Variants in LRFN5 observed in about 807,000 individuals in gnomAD.
The protein encoded by LRFN5 is leucine rich repeat and fibronectin type III domain containing 5, also known as leucine-rich repeat and fibronectin type-III domain-containing protein 5.
A neutral mutation model predicts 45.6 loss-of-function variants in LRFN5; 24 were observed. The ratio of observed to expected loss-of-function variants is 0.53; its 90% CI spans 0.38 to 0.74. The LOEUF is 0.74. Ranked by LOEUF, LRFN5 falls within the 30% of genes least tolerant of loss-of-function variation. LRFN5 has a pLI of 0.00. For synonymous variants in LRFN5, 340 were observed against 313.8 expected (o/e 1.08, Z -0.88); for missense variants, 776 against 861.5 (o/e 0.90, Z 1.24).
intron 1 of LRFN5, among the ~76,000 whole-genome samples, chr14:41,723,254 A>G (rs991467483): frequency 2.0e-5 from 3 of 152,106 alleles, no homozygotes; most frequent in African/African-American, 7.2e-5. Context: ...CTGCACAGAA[A>G]GGGTGGTGTG....
At position 41,731,086 on chromosome 14, in the gene LRFN5, T is replaced by C. The variant is rs188257980; in HGVS notation, c.-196-35768T>C. Among the ~76,000 whole-genome samples, 3 of 152,178 alleles carry C rather than the reference T, an allele frequency of 2.0e-5. No individual in the cohort carries two copies. The East Asian group carries it at 5.8e-4, about 29-fold the overall frequency. ...TTTAATGATGCAATGATAATAAATTTTTCTTATGGACAATGACAACAACAA... is the reference window on the plus strand; with the variant it reads ...TTTAATGATGCAATGATAATAAATTCTTCTTATGGACAATGACAACAACAA... On this transcript the variant is annotated intron_variant, in intron 1 of 5. Coordinates refer to ENST00000298119, the MANE Select transcript of LRFN5 (RefSeq NM_152447.5).
chr14:41,859,295 C>G (rs1237906526), intron 2 of LRFN5, among the ~76,000 whole-genome samples: 1 of 152,186 alleles, frequency 6.6e-6, no homozygotes, highest in Non-Finnish European at 1.5e-5. Context: ...GAGAGCAATT[C>G]TAAATGATTT....
At chr14:41,843,108 C>G (rs891638687) in intron 2 of LRFN5, among the ~76,000 whole-genome samples, 1 of 126,684 alleles carries the variant, frequency 7.9e-6, no homozygotes, top group Non-Finnish European at 1.6e-5. Flanking sequence ...TTTTTTAATA[C>G]TGAGTCTCAC....
intron 2 of LRFN5, among the ~76,000 whole-genome samples, chr14:41,831,226 AT>A (rs1888467642): frequency 1.3e-5 from 2 of 152,198 alleles, no homozygotes; most frequent in African/African-American, 4.8e-5. Flanking sequence ...AATAATGTTT[AT>A]TTTTTTACTA....
At chr14:41,761,641 C>G (rs975836590) in intron 1 of LRFN5, among the ~76,000 whole-genome samples, 1 of 152,060 alleles carries the variant, frequency 6.6e-6, no homozygotes, top group Non-Finnish European at 1.5e-5. Flanking sequence ...ACCACTCTCT[C>G]ATTTCACCAA....
intron 1 of LRFN5, among the ~76,000 whole-genome samples, chr14:41,689,717 A>AC (rs1277524893): frequency 2.6e-5 from 4 of 150,964 alleles, no homozygotes; most frequent in Non-Finnish European, 5.9e-5. Flanking sequence ...ACACGGTGAA[A>AC]CCCCGTCTCT....
intron 2 of LRFN5, among the ~76,000 whole-genome samples, chr14:41,807,234 A>G (rs1294085921): frequency 6.6e-6 from 1 of 152,178 alleles, no homozygotes; most frequent in Admixed American, 6.6e-5. Context: ...TTGAAGAAAT[A>G]TGAACTGGTT....
chr14:41,838,536 A>G (rs1245171646), intron 2 of LRFN5, among the ~76,000 whole-genome samples: 1 of 152,206 alleles, frequency 6.6e-6, no homozygotes, highest in Admixed American at 6.5e-5. Context: ...AAGAGTAGGA[A>G]CAATATGTTT....
intron 2 of LRFN5, among the ~76,000 whole-genome samples, chr14:41,803,518 GT>G (rs35935187): frequency 1.6e-4 from 23 of 147,534 alleles, no homozygotes; most frequent in African/African-American, 2.7e-4. Context: ...TGCCAGGATA[GT>G]TTTTTTTTTT....
intron 1 of LRFN5, among the ~76,000 whole-genome samples, chr14:41,623,851 C>T (rs1888226972): frequency 6.6e-6 from 1 of 152,026 alleles, no homozygotes; most frequent in South Asian, 2.1e-4. Context: ...TTTTCATAGT[C>T]ATTTTTTGGT....
chr14:41,697,488 A>G (rs1882662534), intron 1 of LRFN5, among the ~76,000 whole-genome samples: 1 of 151,682 alleles, frequency 6.6e-6, no homozygotes, highest in Non-Finnish European at 1.5e-5. Context: ...TATTTCTTCG[A>G]GTTTGGTCAA....
At chr14:41,653,951 T>C (rs1880251713) in intron 1 of LRFN5, among the ~76,000 whole-genome samples, 1 of 151,774 alleles carries the variant, frequency 6.6e-6, no homozygotes, top group African/African-American at 2.4e-5. Flanking sequence ...AATAACTGTA[T>C]GAAAAGTAGC....
intron 2 of LRFN5, among the ~76,000 whole-genome samples, chr14:41,799,157 G>A (rs1887237104): frequency 1.3e-5 from 2 of 152,052 alleles, no homozygotes; most frequent in Admixed American, 1.3e-4. Context: ...TTAGCTCACG[G>A]GTAAGTGCAT....
chr14:41,650,896 A>AGAGAGGGAGG (rs750337266), intron 1 of LRFN5, among the ~76,000 whole-genome samples: 101 of 80,894 alleles, frequency 1.2e-3, no homozygotes, highest in African/African-American at 4.2e-3. Flanking sequence ...AGAGAGAGAG[A>AGAGAGGGAGG]GAGGGAGGGA....
At chr14:41,796,321 A>T (rs1295061300) in intron 2 of LRFN5, among the ~76,000 whole-genome samples, 1 of 151,978 alleles carries the variant, frequency 6.6e-6, no homozygotes, top group Non-Finnish European at 1.5e-5. Flanking sequence ...TTATTCAGAT[A>T]TTACCAGCAT....
At chr14:41,690,004 A>G (rs370435846) in intron 1 of LRFN5, among the ~76,000 whole-genome samples, 1 of 152,156 alleles carries the variant, frequency 6.6e-6, no homozygotes, top group Non-Finnish European at 1.5e-5. Context: ...CTAACTTTTT[A>G]CAAACTCTCT....
At chr14:41,640,226 G>A (rs1879512493) in intron 1 of LRFN5, among the ~76,000 whole-genome samples, 2 of 151,944 alleles carry the variant, frequency 1.3e-5, no homozygotes, top group Non-Finnish European at 2.9e-5. Context: ...AATAAGCTTT[G>A]TCAATATGAA....
chr14:41,733,528 A>G (rs541293503), intron 1 of LRFN5: 1 of 152,306 alleles, frequency 6.6e-6, no homozygotes, highest in East Asian at 1.9e-4. Context: ...TATTACCAGT[A>G]GACCTGCCTT....
chr14:41,867,349 C>G (rs1339714163), intron 2 of LRFN5, among the ~76,000 whole-genome samples: 1 of 149,300 alleles, frequency 6.7e-6, no homozygotes, highest in South Asian at 2.2e-4. Context: ...CATATGCACA[C>G]ATCTGTGTGT....
Sources: allele counts gnomAD v4.1 joint callset (sites outside exome capture counted in the v4.1 genomes callset), GRCh38; gene constraint gnomAD v4.1.1; transcripts MANE v1.5; gene names NCBI Gene and HGNC (gene_info 2026-07-23, HGNC 2026-07-21).